The following STT3B variants were observed in gnomAD, a reference collection of about 807,000 sequenced individuals.
The protein encoded by STT3B is dolichyl-diphosphooligosaccharide--protein glycosyltransferase subunit STT3B.
Under a neutral mutation model 96.8 loss-of-function variants are expected in STT3B, and 29 were observed. That is an observed-to-expected ratio of 0.30 (90% CI 0.22 to 0.41). The LOEUF (loss-of-function observed/expected upper bound fraction) is 0.41, where lower values mean the gene tolerates loss of function less well. Ranked by LOEUF, STT3B falls within the 10% of genes least tolerant of loss-of-function variation. The pLI, the probability that STT3B is intolerant of heterozygous loss-of-function variation, is 1.00. For synonymous variants in STT3B, 367 were observed against 360.0 expected (o/e 1.02, Z -0.22); for missense variants, 640 against 1,022.3 (o/e 0.63, Z 5.10).
At chr3:31,623,344 T>C (rs1699468492) in intron 10 of STT3B, among the ~76,000 whole-genome samples, 1 of 152,206 alleles carries the variant, frequency 6.6e-6, no homozygotes, top group African/African-American at 2.4e-5. Context: ...AATTTACATA[T>C]TAAGATTTCA....
chr3:31,581,363 A>C (rs1698379406), intron 3 of STT3B, among the ~76,000 whole-genome samples: 1 of 152,196 alleles, frequency 6.6e-6, no homozygotes. Context: ...AGCTAGGTTC[A>C]TAACTATTTT....
intron 15 of STT3B, 148 bp downstream of exon 15, chr3:31,633,295 C>G (rs1699699076): frequency 1.1e-5 from 8 of 713,784 alleles, no homozygotes; most frequent in Non-Finnish European, 1.8e-5. Flanking sequence ...ATCAGCCTAG[C>G]CTGCTAGGAG....
chr3:31,565,347 G>A (rs549832944), intron 1 of STT3B, among the ~76,000 whole-genome samples: 7 of 152,202 alleles, frequency 4.6e-5, no homozygotes, highest in Non-Finnish European at 8.8e-5. Flanking sequence ...CCAAGTAGTT[G>A]TGTAACATTA....
intron 1 of STT3B, among the ~76,000 whole-genome samples, chr3:31,569,453 T>C (rs1698085477): frequency 6.6e-6 from 1 of 152,186 alleles, no homozygotes; most frequent in Non-Finnish European, 1.5e-5. Flanking sequence ...AAAAGTTCAT[T>C]AGCTCTAAAA....
Position 31,612,007 on chromosome 3 carries a change from A to G in STT3B, c.878-3098A>G, listed in dbSNP as rs569973123. ...TATTTGACATATTATCTGGCAAGCA[A>G]TCTTCAACTTTATTTAATGGAAGTA... On this transcript the variant is annotated intron_variant, in intron 5 of 15. Transcript: ENST00000295770. 2.6e-3 allele frequency among the ~76,000 whole-genome samples: 399 copies of G among 152,314 alleles called. 1 individual carries two copies. The highest frequency in any genetic ancestry group is 4.5e-3 in the Non-Finnish European group (309 of 68,026).
At chr3:31,545,077 C>T (rs750441980) in intron 1 of STT3B, among the ~76,000 whole-genome samples, 2 of 152,124 alleles carry the variant, frequency 1.3e-5, no homozygotes, top group African/African-American at 2.4e-5. Flanking sequence ...ATATGCTAAG[C>T]AGCTTTATGG....
In STT3B at chr3:31,625,992, T is replaced by C; in HGVS notation, c.1938T>C (p.Tyr646=). The C allele has an allele frequency of 6.2e-7, 1 of 1,613,034 alleles. No individual in the cohort carries two copies. The highest frequency in any genetic ancestry group is 8.5e-7 in the Non-Finnish European group (1 of 1,179,562). Residue 646 remains tyrosine, a synonymous_variant, in exon 13 of 16, where the codon TAT becomes TAC. Coordinates refer to ENST00000295770, the MANE Select transcript of STT3B (RefSeq NM_178862.3). ...KAMSSNETAA[Y]KIMRTLDVDY... is the part of the protein sequence containing the mutation. ...TGTCTTCTAATGAAACAGCAGCCTA[T>C]AAAATCATGAGGACTCTAGATGTAG... is the stretch of plus-strand genomic sequence containing the variant.
chr3:31,606,824 C>G (rs2125467013), intron 5 of STT3B, among the ~76,000 whole-genome samples: 1 of 152,310 alleles, frequency 6.6e-6, no homozygotes, highest in African/African-American at 2.4e-5. Context: ...CAGCTTGCAC[C>G]ATGCGCCTAG....
chr3:31,607,793 T>C (rs928658215), intron 5 of STT3B, among the ~76,000 whole-genome samples: 9 of 151,970 alleles, frequency 5.9e-5, no homozygotes, highest in Non-Finnish European at 1.3e-4. Context: ...GGTAGGGGGA[T>C]CTCATTAAGT....
chr3:31,560,271 T>C (rs1038586047), intron 1 of STT3B, among the ~76,000 whole-genome samples: 2 of 152,110 alleles, frequency 1.3e-5, no homozygotes, highest in African/African-American at 2.4e-5. Flanking sequence ...TCTCTCATAA[T>C]TTATCTTTGT....
chr3:31,616,631 G>GA (rs1209276271), intron 6 of STT3B, among the ~76,000 whole-genome samples: 2 of 151,538 alleles, frequency 1.3e-5, no homozygotes, highest in African/African-American at 2.4e-5. Context: ...AAATATAGAG[G>GA]AAAGGGAGGA....
chr3:31,609,634 A>G (rs912920641), intron 5 of STT3B, among the ~76,000 whole-genome samples: 1 of 151,866 alleles, frequency 6.6e-6, no homozygotes, highest in Non-Finnish European at 1.5e-5. Flanking sequence ...TCACTCTGTC[A>G]CTCAGGCTGG....
intron 5 of STT3B, among the ~76,000 whole-genome samples, chr3:31,612,326 TACTTGGGTCC>T (rs1699201167): frequency 1.3e-5 from 2 of 152,144 alleles, no homozygotes; most frequent in African/African-American, 4.8e-5. Context: ...GAAAAATAGG[TACTTGGGTCC>T]AGTTCTCTTA....
chr3:31,556,192 A>G (rs544587968), intron 1 of STT3B, among the ~76,000 whole-genome samples: 42 of 152,116 alleles, frequency 2.8e-4, no homozygotes, highest in African/African-American at 1.0e-3. Context: ...ACTTAACATA[A>G]TGACTCCAGT....
chr3:31,538,547 TTCCTTGAATTA>T (rs1697156184), intron 1 of STT3B, among the ~76,000 whole-genome samples: 1 of 152,162 alleles, frequency 6.6e-6, no homozygotes, highest in Non-Finnish European at 1.5e-5. Context: ...AACTCCTAAA[TTCCTTGAATTA>T]TTAGAAGGCT....
chr3:31,587,634 G>A (rs1698572179), intron 3 of STT3B, among the ~76,000 whole-genome samples: 1 of 151,872 alleles, frequency 6.6e-6, no homozygotes, highest in Admixed American at 6.6e-5. Context: ...CCAGTGTATG[G>A]TTATCACATT....
chr3:31,637,042 A>G lies in STT3B; in HGVS notation c.*978A>G, dbSNP rs1325587278. 6.6e-6 allele frequency: 1 copy of G among 152,074 alleles called. No individual in the cohort carries two copies. The highest frequency in any genetic ancestry group is 1.5e-5 in the Non-Finnish European group (1 of 68,000). 9.4% of individuals were successfully genotyped at this position (152,074 alleles called of 1,614,324 possible). ...ACAATGATTTTGTTCTCTGCTCCAT[A>G]TTTTTTAATCCCTTAAGCATTTGAT... On this transcript the variant is annotated 3_prime_UTR_variant, in exon 16 of 16. Coordinates refer to ENST00000295770, the MANE Select transcript of STT3B (RefSeq NM_178862.3).
chr3:31,619,757 A>G lies in STT3B; in HGVS notation c.1254A>G (p.Leu418=). 2 of 1,613,954 alleles carry G rather than the reference A, an allele frequency of 1.2e-6. No individual in the cohort carries two copies. Among genetic ancestry groups the G allele is most frequent in the African/African-American group, 1.3e-5 (1 of 75,064 alleles). The change falls in exon 9 of 16, where the codon CTA becomes CTG. Residue 418 remains leucine, a synonymous_variant. Coordinates refer to ENST00000295770, the MANE Select transcript of STT3B (RefSeq NM_178862.3). ...PTTWVSFFFD[L]HILVCTFPAG... Reference sequence around the variant, plus strand: ...CTTGGGTGTCTTTCTTCTTTGATCTACATATTCTTGTATGTACCTTCCCAG... The same window carrying G: ...CTTGGGTGTCTTTCTTCTTTGATCTGCATATTCTTGTATGTACCTTCCCAG...
chr3:31,620,049 C>T (rs1303613295), intron 9 of STT3B: 28 of 1,153,204 alleles, frequency 2.4e-5, no homozygotes, highest in Admixed American at 6.4e-5. Context: ...CCGAGGCGGG[C>T]GGATCACCTG....
Sources: gnomAD v4.1 joint callset for allele counts (sites outside exome capture counted in the v4.1 genomes callset) on GRCh38, gnomAD v4.1.1 for gene constraint, MANE v1.5 for transcripts, NCBI Gene and HGNC (gene_info 2026-07-23, HGNC 2026-07-21) for gene names.